The following ELOVL4 variants were observed in gnomAD, a reference collection of about 807,000 sequenced individuals.
ELOVL4 encodes the protein ELOVL fatty acid elongase 4.
A neutral mutation model predicts 42.1 loss-of-function variants in ELOVL4; 18 were observed. The ratio of observed to expected loss-of-function variants is 0.43; its 90% CI spans 0.30 to 0.63. The LOEUF (loss-of-function observed/expected upper bound fraction) is 0.63, where lower values mean the gene tolerates loss of function less well. Among genes scored for constraint, ELOVL4 ranks in the 30% least tolerant of loss-of-function variants. ELOVL4 has a pLI of 0.15. For missense variants in ELOVL4, 299 were observed against 376.2 expected, an observed-to-expected ratio of 0.79 and a Z score of 1.70; for synonymous variants, 117 against 127.0, an observed-to-expected ratio of 0.92 and a Z score of 0.53.
At chr6:79,923,585 G>C (rs1408631288) in intron 3 of ELOVL4, among the ~76,000 whole-genome samples, 1 of 152,050 alleles carries the variant, frequency 6.6e-6, no homozygotes, top group African/African-American at 2.4e-5. Flanking sequence ...ATTTTTCATA[G>C]CCAATACATC....
At position 79,947,375 on chromosome 6, in the gene ELOVL4, C is replaced by T. The variant is rs1165495487; in HGVS notation, c.-96G>A. On this transcript the variant is annotated 5_prime_UTR_variant, in exon 1 of 6. Coordinates refer to ENST00000369816, the MANE Select transcript of ELOVL4 (RefSeq NM_022726.4). ...TGGCGGCCGACGGGGCGAGCGGCGG[C>T]CGGGAACCCCTCTAACGGCGGCGGC... The T allele has an allele frequency of 2.1e-6, 2 of 931,682 alleles. No individual in the cohort carries two copies. The highest frequency in any genetic ancestry group is 2.6e-5 in the East Asian group (1 of 38,294). The allele number at this position is 931,682 out of a possible 1,614,324, so 57.7% of individuals were successfully genotyped here. A position where few individuals can be genotyped will look rare whatever the true frequency, so the allele number is the denominator to read the frequency against.
Position 79,931,234 on chromosome 6 carries a change from G to A in ELOVL4, c.101-4853C>T, listed in dbSNP as rs148395905. Among the ~76,000 whole-genome samples the A allele has an allele frequency of 5.5e-4, 84 of 151,810 alleles. 1 individual carries two copies. The South Asian group carries it at 8.4e-3, about 15-fold the overall frequency. ...TGTACCTTCATGTGTTAATAAATTTGCTCTTATTTTGAGCCTATTAACCAT... is the reference window on the plus strand; with the variant it reads ...TGTACCTTCATGTGTTAATAAATTTACTCTTATTTTGAGCCTATTAACCAT... On this transcript the variant is annotated intron_variant, in intron 1 of 5. Coordinates refer to ENST00000369816, the MANE Select transcript of ELOVL4 (RefSeq NM_022726.4).
At chr6:79,939,498 GACT>G (rs1335264167) in intron 1 of ELOVL4, among the ~76,000 whole-genome samples, 1 of 142,006 alleles carries the variant, frequency 7.0e-6, no homozygotes, top group East Asian at 2.0e-4. Context: ...CTATTAATTT[GACT>G]ACTTTATTTA....
chr6:79,933,573 G>C (rs1582052443), intron 1 of ELOVL4, among the ~76,000 whole-genome samples: 1 of 152,072 alleles, frequency 6.6e-6, no homozygotes, highest in African/African-American at 2.4e-5. Context: ...AGTGGGGTGT[G>C]GACTGAGGGG....
At chr6:79,921,528 A>T in intron 4 of ELOVL4, 97 bp downstream of exon 4, 1 of 913,586 alleles carries the variant, frequency 1.1e-6, no homozygotes, top group Non-Finnish European at 1.8e-6. Context: ...AAAGCAAGTT[A>T]AATGGTAGAT....
intron 1 of ELOVL4, among the ~76,000 whole-genome samples, chr6:79,934,510 A>C (rs191001025): frequency 6.6e-6 from 1 of 152,308 alleles, no homozygotes; most frequent in East Asian, 1.9e-4. Context: ...CTTCTGCTGC[A>C]GCCTATTCTC....
chr6:79,916,977 A>T (rs1774174246), intron 5 of ELOVL4, 94 bp from the exon 6 acceptor site: 3 of 1,484,160 alleles, frequency 2.0e-6, no homozygotes, highest in Non-Finnish European at 2.8e-6. Context: ...TCACAGGCCC[A>T]AATTTTGCCA....
intron 1 of ELOVL4, among the ~76,000 whole-genome samples, chr6:79,935,146 C>T (rs1334956209): frequency 1.3e-5 from 2 of 152,000 alleles, no homozygotes; most frequent in African/African-American, 4.8e-5. Flanking sequence ...TTCAACTAAC[C>T]CAGGTAACTT....
Position 79,919,402 on chromosome 6 carries a change from T to C in ELOVL4, c.669+18A>G, listed in dbSNP as rs1774212839. On this transcript the variant is annotated intron_variant, in intron 5 of 5. Coordinates refer to ENST00000369816, the MANE Select transcript of ELOVL4 (RefSeq NM_022726.4). ...TTCAGTATTTTACCAGAAGAAACTTTGGAAGCATTTAACTCACCAGTTGCA... is the reference window on the plus strand; with the variant it reads ...TTCAGTATTTTACCAGAAGAAACTTCGGAAGCATTTAACTCACCAGTTGCA... 2.5e-6 allele frequency: 4 copies of C among 1,613,416 alleles called. No individual in the cohort carries two copies. The East Asian group carries it at 8.9e-5, about 36-fold the overall frequency.
At chr6:79,932,562 AAT>A (rs1774466373) in intron 1 of ELOVL4, among the ~76,000 whole-genome samples, 2 of 151,932 alleles carry the variant, frequency 1.3e-5, no homozygotes, top group Non-Finnish European at 2.9e-5. Context: ...AAAAAAAAAA[AAT>A]AGAGTCCACC....
chr6:79,937,695 T>G (rs1774569545), intron 1 of ELOVL4, among the ~76,000 whole-genome samples: 2 of 152,196 alleles, frequency 1.3e-5, no homozygotes, highest in South Asian at 4.1e-4. Flanking sequence ...GTAGGCTATG[T>G]TGCATTATAA....
intron 1 of ELOVL4, among the ~76,000 whole-genome samples, chr6:79,945,345 GC>G (rs1357795608): frequency 6.6e-6 from 1 of 152,128 alleles, no homozygotes. Flanking sequence ...TATTTTATAT[GC>G]CCTTCGAAGC....
chr6:79,931,424 C>G (rs570300229), intron 1 of ELOVL4, among the ~76,000 whole-genome samples: 3 of 152,150 alleles, frequency 2.0e-5, no homozygotes, highest in Admixed American at 6.5e-5. Context: ...CTGTTGTAGG[C>G]ACTACTCAAT....
At chr6:79,942,760 A>T (rs13199685) in intron 1 of ELOVL4, among the ~76,000 whole-genome samples, 24,603 of 152,194 alleles carry the variant, frequency 0.16, 2,267 homozygotes, top group South Asian at 0.36. Flanking sequence ...CATCTGCAAT[A>T]GGATGTTTTA....
At chr6:79,933,112 C>T (rs1012396637) in intron 1 of ELOVL4, among the ~76,000 whole-genome samples, 2 of 152,100 alleles carry the variant, frequency 1.3e-5, no homozygotes, top group African/African-American at 4.8e-5. Context: ...AGGATATATA[C>T]AAAGGAAGAG....
At chr6:79,919,363 C>A in intron 5 of ELOVL4, 57 bp downstream of exon 5, 1 of 1,586,204 alleles carries the variant, frequency 6.3e-7, no homozygotes. Flanking sequence ...TAAAATTAAT[C>A]AAATTTAAAC....
At chr6:79,923,434 T>C (rs1774290540) in intron 3 of ELOVL4, among the ~76,000 whole-genome samples, 2 of 152,192 alleles carry the variant, frequency 1.3e-5, no homozygotes, top group African/African-American at 4.8e-5. Flanking sequence ...AATAGTAATA[T>C]GTTGCCCCAC....
At chr6:79,923,318 G>A (rs1231640518) in intron 3 of ELOVL4, among the ~76,000 whole-genome samples, 1 of 152,124 alleles carries the variant, frequency 6.6e-6, no homozygotes, top group Non-Finnish European at 1.5e-5. Flanking sequence ...GCAAATCTCA[G>A]GTTCTTTATC....
chr6:79,926,267 G>T lies in ELOVL4; in HGVS notation c.215C>A (p.Pro72His), dbSNP rs778982572. The T allele has an allele frequency of 6.2e-7, 1 of 1,613,860 alleles. No homozygotes were observed. The highest frequency in any genetic ancestry group is 8.5e-7 in the Non-Finnish European group (1 of 1,179,886). Residue 72 changes from proline to histidine, a missense_variant, in exon 2 of 6, where the codon CCT becomes CAT. Coordinates refer to ENST00000369816, the MANE Select transcript of ELOVL4 (RefSeq NM_022726.4). ...LGPKWMKDRE[P>H]FQMRLVLIIY... ...AATGAGCACTAGACGCATCTGAAAA[G>T]GTTCTCGGTCCTTCATCCATTTTGG... is the stretch of plus-strand genomic sequence containing the variant.
Sources: allele counts gnomAD v4.1 joint callset (sites outside exome capture counted in the v4.1 genomes callset), GRCh38; gene constraint gnomAD v4.1.1; transcripts MANE v1.5; gene names NCBI Gene and HGNC (gene_info 2026-07-23, HGNC 2026-07-21).